The following CPED1 variants were observed in gnomAD, a reference collection of about 807,000 sequenced individuals.
CPED1 encodes the protein cadherin like and PC-esterase domain containing 1, also known as cadherin-like and PC-esterase domain-containing protein 1.
A neutral mutation model predicts 128.2 loss-of-function variants in CPED1; 114 were observed. The ratio of observed to expected loss-of-function variants is 0.89; its 90% CI spans 0.76 to 1.04. The LOEUF is 1.04. Among genes scored for constraint, CPED1 ranks in the 50% least tolerant of loss-of-function variants. The pLI is 0.00. For synonymous variants in CPED1, 462 were observed against 426.7 expected, an observed-to-expected ratio of 1.08 and a Z score of -1.02; for missense variants, 1,211 against 1,207.1, an observed-to-expected ratio of 1.00 and a Z score of -0.05.
chr7:121,133,945 G>T, intron 13 of CPED1, 52 bp downstream of exon 13: 1 of 1,143,456 alleles, frequency 8.7e-7, no homozygotes, highest in Non-Finnish European at 1.2e-6. Flanking sequence ...AGTATTTCCT[G>T]GCAAAAAAAT....
At position 120,989,511 on chromosome 7, in the gene CPED1, G is replaced by T. The variant is rs1796273579; in HGVS notation, c.-111G>T. On this transcript the variant is annotated 5_prime_UTR_variant, in exon 2 of 23. The change abolishes the stop of an existing upstream ORF in the 5' untranslated region. Coordinates refer to ENST00000310396, the MANE Select transcript of CPED1 (RefSeq NM_024913.5). ...TCTTAAGCAGGGATGAAGCAAACTT[G>T]ATTGGAGTTGGGGAAAAAGAAGACA... 24 of 1,406,814 alleles carry T rather than the reference G, an allele frequency of 1.7e-5. No homozygotes were observed. The highest frequency in any genetic ancestry group is 1.9e-6 in the Non-Finnish European group (2 of 1,032,092). The allele number at this position is 1,406,814 out of a possible 1,614,324, so 87.1% of individuals were successfully genotyped here.
chr7:121,068,466 TG>T (rs1793908980), intron 5 of CPED1, among the ~76,000 whole-genome samples: 1 of 151,958 alleles, frequency 6.6e-6, no homozygotes, highest in Non-Finnish European at 1.5e-5. Flanking sequence ...TCTGTTCCAT[TG>T]GTCTATATCT....
At chr7:121,121,075 C>T (rs1016916837) in intron 7 of CPED1, among the ~76,000 whole-genome samples, 9 of 150,266 alleles carry the variant, frequency 6.0e-5, no homozygotes, top group Admixed American at 5.4e-4. Flanking sequence ...ACATTGAGAT[C>T]AATTCACTCA....
rs541285950 is a variant in CPED1 at position 121,135,354 on chromosome 7, A to G, written c.1649-686A>G. ...ATTTAGCCCAATACAGTGGTTTTCA[A>G]TGTGTGTCCCCCTCTCCCCAGAATC... is the stretch of plus-strand genomic sequence containing the variant. On this transcript the variant is annotated intron_variant, in intron 13 of 22. Transcript: ENST00000310396. Among the ~76,000 whole-genome samples, 125 of 152,144 alleles carry G rather than the reference A, an allele frequency of 8.2e-4. 2 individuals carry two copies. In the South Asian group the frequency reaches 0.025, roughly 31 times the overall value.
At chr7:121,294,337 A>T (rs1332520118) in intron 22 of CPED1, among the ~76,000 whole-genome samples, 1 of 152,190 alleles carries the variant, frequency 6.6e-6, no homozygotes, top group African/African-American at 2.4e-5. Flanking sequence ...ACTTTTTGTT[A>T]TATACCCTTT....
chr7:121,102,556 C>T (rs1794878660), intron 7 of CPED1, among the ~76,000 whole-genome samples: 1 of 152,108 alleles, frequency 6.6e-6, no homozygotes, highest in Non-Finnish European at 1.5e-5. Context: ...CGTTATATGT[C>T]ATCAAGGCTG....
intron 3 of CPED1, among the ~76,000 whole-genome samples, chr7:121,018,215 T>A (rs1792353853): frequency 6.6e-6 from 1 of 152,188 alleles, no homozygotes; most frequent in Non-Finnish European, 1.5e-5. Flanking sequence ...AACATTTTTA[T>A]TGCAGCCTAT....
chr7:121,014,655 C>T (rs1466257290), intron 2 of CPED1, among the ~76,000 whole-genome samples: 1 of 151,814 alleles, frequency 6.6e-6, no homozygotes, highest in African/African-American at 2.4e-5. Context: ...AAAATCATGG[C>T]ATTCACAACA....
chr7:121,106,189 T>A lies in CPED1; in HGVS notation c.918+6095T>A, dbSNP rs1034591853. ...TAAGAGCAGGTTCTACAACAGAAGA[T>A]AGTATTATGGATTTACATATTCCAT... On this transcript the variant is annotated intron_variant, in intron 7 of 22. Coordinates refer to ENST00000310396, the MANE Select transcript of CPED1 (RefSeq NM_024913.5). Among the ~76,000 whole-genome samples, 3 of 152,286 alleles carry A rather than the reference T, an allele frequency of 2.0e-5. No individual in the cohort carries two copies. In the South Asian group the frequency reaches 6.2e-4, roughly 32 times the overall value.
At chr7:121,223,770 T>C (rs939993723) in intron 16 of CPED1, among the ~76,000 whole-genome samples, 1 of 152,166 alleles carries the variant, frequency 6.6e-6, no homozygotes, top group Non-Finnish European at 1.5e-5. Context: ...TATTCTCTGA[T>C]GGTAGTCTGT....
intron 16 of CPED1, among the ~76,000 whole-genome samples, chr7:121,226,324 A>T (rs1024563524): frequency 1.1e-4 from 17 of 152,032 alleles, no homozygotes; most frequent in Non-Finnish European, 2.1e-4. Context: ...TTGGTTGGAA[A>T]TGCAGAAATC....
At chr7:121,009,568 C>G (rs1164821047) in intron 2 of CPED1, among the ~76,000 whole-genome samples, 1 of 143,946 alleles carries the variant, frequency 6.9e-6, no homozygotes, top group African/African-American at 2.6e-5. Context: ...GATCATGCCA[C>G]TGCTCTCTAG....
intron 3 of CPED1, among the ~76,000 whole-genome samples, chr7:121,026,697 A>G (rs1792595369): frequency 1.3e-5 from 2 of 150,656 alleles, no homozygotes; most frequent in South Asian, 4.2e-4. Flanking sequence ...TTCCCAGGTG[A>G]TACTAATACA....
At chr7:121,152,880 T>C (rs6948453) in intron 16 of CPED1, among the ~76,000 whole-genome samples, 3,737 of 152,298 alleles carry the variant, frequency 0.025, 174 homozygotes, top group African/African-American at 0.085. Flanking sequence ...TTGTAATGAA[T>C]GTGATTACAA....
intron 18 of CPED1, among the ~76,000 whole-genome samples, chr7:121,251,759 A>G (rs578080590): frequency 1.1e-3 from 159 of 148,988 alleles, no homozygotes; most frequent in African/African-American, 3.8e-3. Flanking sequence ...ACTTAAAGGG[A>G]TGTGAAGGAC....
chr7:121,177,422 A>G (rs1347658112), intron 16 of CPED1, among the ~76,000 whole-genome samples: 1 of 152,032 alleles, frequency 6.6e-6, no homozygotes, highest in African/African-American at 2.4e-5. Context: ...TCAATTTTGT[A>G]CAAGTTCCTG....
chr7:121,102,390 T>G (rs992606440), intron 7 of CPED1, among the ~76,000 whole-genome samples: 2 of 152,088 alleles, frequency 1.3e-5, no homozygotes, highest in Non-Finnish European at 2.9e-5. Flanking sequence ...GTCAGTCCTT[T>G]CAGGTGAATC....
intron 16 of CPED1, among the ~76,000 whole-genome samples, chr7:121,184,300 GT>G (rs1364166367): frequency 6.6e-6 from 1 of 152,060 alleles, no homozygotes; most frequent in African/African-American, 2.4e-5. Context: ...AGTGTCTTAA[GT>G]TGCTGAAAAA....
At chr7:121,083,109 T>G (rs1394493896) in intron 5 of CPED1, among the ~76,000 whole-genome samples, 1 of 152,148 alleles carries the variant, frequency 6.6e-6, no homozygotes, top group East Asian at 1.9e-4. Flanking sequence ...CAGCTCTCAC[T>G]GGCACTCTCC....
Sources: gnomAD v4.1 joint callset for allele counts (sites outside exome capture counted in the v4.1 genomes callset) on GRCh38, gnomAD v4.1.1 for gene constraint, MANE v1.5 for transcripts, NCBI Gene and HGNC (gene_info 2026-07-23, HGNC 2026-07-21) for gene names.